The following HLTF variants were observed in gnomAD, a reference collection of about 807,000 sequenced individuals.
The protein encoded by HLTF is DNA-dependent ATPase/E3 ubiquitin-protein ligase HLTF.
HLTF carries 127 observed loss-of-function variants against 129.4 expected under a neutral mutation model. The ratio of observed to expected loss-of-function variants is 0.98; its 90% CI spans 0.85 to 1.14. The LOEUF is 1.14. Ranked by LOEUF, HLTF falls within the 50% of genes most tolerant of loss-of-function variation. HLTF has a pLI of 0.00. For missense variants in HLTF, 1,139 were observed against 1,187.1 expected (o/e 0.96, Z 0.60); for synonymous variants, 332 against 388.8 (o/e 0.85, Z 1.72).
chr3:149,035,530 C>T lies in HLTF; in HGVS notation c.2797-532G>A, dbSNP rs531547162. ...AAAATTAGCCGGGAGAGGTGGCGGG[C>T]GCCTGTAGTCCCAGCTACTCAGGAG... On this transcript the variant is annotated intron_variant, in intron 23 of 24. Transcript: ENST00000310053. Among the ~76,000 whole-genome samples, 579 of 151,770 alleles carry T rather than the reference C, an allele frequency of 3.8e-3. 2 individuals are homozygous for T. Among genetic ancestry groups the T allele is most frequent in the Non-Finnish European group, 6.4e-3 (435 of 67,906 alleles).
chr3:149,056,517 C>A (rs1185887096), intron 13 of HLTF, among the ~76,000 whole-genome samples: 2 of 152,124 alleles, frequency 1.3e-5, no homozygotes, highest in Non-Finnish European at 2.9e-5. Flanking sequence ...GTATCATTCA[C>A]AACTTGCTTT....
chr3:149,082,283 C>T (rs1438005879), intron 2 of HLTF, among the ~76,000 whole-genome samples: 3 of 152,066 alleles, frequency 2.0e-5, no homozygotes, highest in Non-Finnish European at 4.4e-5. Context: ...ACGGTGAAAC[C>T]CCGTCTCTAC....
At chr3:149,056,592 A>C (rs956793358) in intron 13 of HLTF, among the ~76,000 whole-genome samples, 2 of 152,230 alleles carry the variant, frequency 1.3e-5, no homozygotes, top group Non-Finnish European at 2.9e-5. Context: ...AAGACCCTCA[A>C]TAGATACTTA....
chr3:149,076,151 A>G, intron 2 of HLTF, 104 bp from the exon 3 acceptor site: 2 of 475,566 alleles, frequency 4.2e-6, no homozygotes, highest in Non-Finnish European at 3.7e-6. Flanking sequence ...CTACTGCTAA[A>G]CACTGCACAT....
At chr3:149,076,333 T>C (rs1417152358) in intron 2 of HLTF, among the ~76,000 whole-genome samples, 1 of 152,174 alleles carries the variant, frequency 6.6e-6, no homozygotes, top group Non-Finnish European at 1.5e-5. Context: ...ATTTTCAACA[T>C]CATAACTTCT....
rs1387505474 is a variant in HLTF at position 149,071,399 on chromosome 3, A to G, written c.747T>C (p.Ala249=). 6.2e-7 allele frequency: 1 copy of G among 1,613,428 alleles called. No individual in the cohort carries two copies. Among genetic ancestry groups the G allele is most frequent in the Non-Finnish European group, 8.5e-7 (1 of 1,179,858 alleles). Residue 249 remains alanine, a synonymous_variant, in exon 7 of 25, where the codon GCT becomes GCC. Transcript: ENST00000310053. ...PLLPHQKQAL[A]WMVSRENSKE... is the part of the protein sequence containing the mutation. ...TGCTATTTTCCCGTGACACCATCCA[A>G]GCTAGAGCTTGTTTTTGATGTGGAA...
chr3:149,066,569 C>T (rs1718396847), intron 8 of HLTF, among the ~76,000 whole-genome samples: 1 of 150,520 alleles, frequency 6.6e-6, no homozygotes, highest in African/African-American at 2.4e-5. Context: ...CTGGAAATCA[C>T]ATCTTCAGCT....
chr3:149,042,395 TA>T, intron 18 of HLTF, 105 bp from the exon 19 acceptor site: 1 of 946,420 alleles, frequency 1.1e-6, no homozygotes, highest in Non-Finnish European at 1.6e-6. Flanking sequence ...CTCTAGAAAT[TA>T]CTCCAAAACA....
At chr3:149,048,675 A>G (rs180827327) in intron 16 of HLTF, among the ~76,000 whole-genome samples, 188 bp downstream of exon 16, 9 of 152,360 alleles carry the variant, frequency 5.9e-5, no homozygotes, top group Admixed American at 3.3e-4. Flanking sequence ...TAAATTATCA[A>G]TAAGTCAAAT....
At chr3:149,036,333 G>A (rs1435213478) in intron 23 of HLTF, among the ~76,000 whole-genome samples, 8 of 125,526 alleles carry the variant, frequency 6.4e-5, no homozygotes, top group Non-Finnish European at 3.2e-5. Context: ...TCTGTCACCA[G>A]GCTGGAGTGC....
intron 18 of HLTF, among the ~76,000 whole-genome samples, chr3:149,045,631 C>T (rs537031112): frequency 1.3e-5 from 2 of 152,222 alleles, no homozygotes; most frequent in East Asian, 3.9e-4. Context: ...TTGAAGATTC[C>T]CCTTTCACAG....
At chr3:149,068,384 C>T in intron 7 of HLTF, 49 bp from the exon 8 acceptor site, 1 of 849,658 alleles carries the variant, frequency 1.2e-6, no homozygotes, top group African/African-American at 1.7e-5. Flanking sequence ...AAACCCAGTT[C>T]ACCAGAAAAA....
At chr3:149,045,033 G>T (rs1275144519) in intron 18 of HLTF, among the ~76,000 whole-genome samples, 1 of 151,994 alleles carries the variant, frequency 6.6e-6, no homozygotes, top group Non-Finnish European at 1.5e-5. Context: ...ACCCTTTAAG[G>T]TTTCCTGTCA....
At chr3:149,085,815 AC>A (rs1195683879) in intron 1 of HLTF, among the ~76,000 whole-genome samples, 3 of 152,216 alleles carry the variant, frequency 2.0e-5, no homozygotes, top group Non-Finnish European at 2.9e-5. Flanking sequence ...AGGGGAGTCT[AC>A]TGGAGCATTG....
At position 149,030,709 on chromosome 3, in the gene HLTF, T is replaced by G. The variant is rs2107931334; in HGVS notation, c.*1511A>C. 1 of 152,190 alleles carries G rather than the reference T, an allele frequency of 6.6e-6. No individual in the cohort carries two copies. Among genetic ancestry groups the G allele is most frequent in the East Asian group, 1.9e-4 (1 of 5,202 alleles). The allele number at this position is 152,190 out of a possible 1,614,324, so 9.4% of individuals were successfully genotyped here. A position where few individuals can be genotyped will look rare whatever the true frequency, so the allele number is the denominator to read the frequency against. On this transcript the variant is annotated 3_prime_UTR_variant, in exon 25 of 25. Transcript: ENST00000310053. ...CTAATCCCACATTATTATTCCACTATCATCCCTGCAGAAAGGTCTTGGTTT... is the reference window on the plus strand; with the variant it reads ...CTAATCCCACATTATTATTCCACTAGCATCCCTGCAGAAAGGTCTTGGTTT...
chr3:149,075,712 GGTA>G (rs148855232), intron 3 of HLTF, among the ~76,000 whole-genome samples, 166 bp downstream of exon 3: 4,959 of 152,196 alleles, frequency 0.033, 94 homozygotes, highest in Middle Eastern at 0.071. Flanking sequence ...TGATGGCTGG[GGTA>G]GTAGAAGTAT....
At chr3:149,033,934 A>G (rs930542826) in intron 24 of HLTF, among the ~76,000 whole-genome samples, 1 of 152,198 alleles carries the variant, frequency 6.6e-6, no homozygotes, top group Non-Finnish European at 1.5e-5. Flanking sequence ...GACAAGGAAG[A>G]GTATGGGATA....
chr3:149,052,939 A>G lies in HLTF; in HGVS notation c.1473+2364T>C, dbSNP rs925808219. 2.6e-5 allele frequency among the ~76,000 whole-genome samples: 4 copies of G among 152,314 alleles called. No individual in the cohort carries two copies. In the South Asian group the frequency reaches 6.2e-4, roughly 24 times the overall value. On this transcript the variant is annotated intron_variant, in intron 14 of 24. Transcript: ENST00000310053. Reference sequence around the variant, plus strand: ...TCTAGACAGTGTTAGGCTCTACTGTATATGTATGTATGTATCATCCTCTCA... The same window carrying G: ...TCTAGACAGTGTTAGGCTCTACTGTGTATGTATGTATGTATCATCCTCTCA...
intron 2 of HLTF, 85 bp downstream of exon 2, chr3:149,084,597 C>T (rs1428278090): frequency 1.5e-5 from 14 of 943,116 alleles, no homozygotes; most frequent in Admixed American, 2.3e-5. Flanking sequence ...AAAGATTAAC[C>T]GCACACATCA....
Sources: allele counts gnomAD v4.1 joint callset (sites outside exome capture counted in the v4.1 genomes callset), GRCh38; gene constraint gnomAD v4.1.1; transcripts MANE v1.5; gene names NCBI Gene and HGNC (gene_info 2026-07-23, HGNC 2026-07-21).